The following NHSL2 variants were observed in gnomAD, a reference collection of about 807,000 sequenced individuals.
NHSL2 encodes NHS-like protein 2.
A neutral mutation model predicts 53.4 loss-of-function variants in NHSL2; 27 were observed. The observed-to-expected ratio is 0.51, with a 90% CI of 0.37 to 0.70. NHSL2 has a LOEUF of 0.70. Ranked by LOEUF, NHSL2 falls within the 30% of genes least tolerant of loss-of-function variation. NHSL2 has a pLI of 0.00. For synonymous variants in NHSL2, 408 were observed against 404.1 expected (o/e 1.01, Z -0.12); for missense variants, 892 against 980.1 (o/e 0.91, Z 1.20).
intron 1 of NHSL2, among the ~76,000 whole-genome samples, chrX:72,071,680 G>C (rs1201124959): frequency 3.6e-5 from 4 of 110,809 alleles, no homozygotes; most frequent in Non-Finnish European, 7.6e-5. Context: ...CACTCCCACT[G>C]GGCTAAACTT....
intron 1 of NHSL2, among the ~76,000 whole-genome samples, chrX:72,040,398 A>G (rs1337965584): frequency 8.9e-6 from 1 of 112,526 alleles, no homozygotes; most frequent in Non-Finnish European, 1.9e-5. Flanking sequence ...ACCTAGAGGT[A>G]CCTTGTTTAA....
At chrX:72,085,467 C>A (rs1204026209) in intron 1 of NHSL2, among the ~76,000 whole-genome samples, 1 of 111,636 alleles carries the variant, frequency 9.0e-6, no homozygotes, top group Non-Finnish European at 1.9e-5. Flanking sequence ...TTCTTAACCA[C>A]CTGTGAAATT....
chrX:71,938,040 C>T (rs112316264), intron 1 of NHSL2, among the ~76,000 whole-genome samples: 126 of 112,264 alleles, frequency 1.1e-3, no homozygotes, highest in African/African-American at 3.7e-3. Flanking sequence ...TGGTTCCACC[C>T]AACTGTAATG....
chrX:71,938,661 T>C (rs1437119869), intron 1 of NHSL2, among the ~76,000 whole-genome samples: 1 of 112,820 alleles, frequency 8.9e-6, no homozygotes, highest in Non-Finnish European at 1.9e-5. Context: ...ATAGCTCGAC[T>C]CTGGTTCTAA....
chrX:72,125,937 C>A (rs2042221237), intron 1 of NHSL2, among the ~76,000 whole-genome samples: 2 of 112,345 alleles, frequency 1.8e-5, no homozygotes, highest in South Asian at 7.4e-4. Context: ...TGTCAGGAGT[C>A]TCTCCTGGGA....
rs2042505725 is a variant in NHSL2 at position 72,150,726 on chromosome X, G to A, written c.*7152G>A. ...ACTATTCTGTGGAATTGCAAGCCAT[G>A]CATCTTTTAGAGCCACACTAGTCAA... On this transcript the variant is annotated 3_prime_UTR_variant, in exon 8 of 8. Transcript: ENST00000633930. 1 of 112,068 alleles carries A rather than the reference G, an allele frequency of 8.9e-6. No individual in the cohort carries two copies. The highest frequency in any genetic ancestry group is 9.5e-5 in the Admixed American group (1 of 10,559). 9.2% of individuals were successfully genotyped at this position (112,068 alleles called of 1,213,427 possible).
intron 1 of NHSL2, among the ~76,000 whole-genome samples, chrX:71,938,816 A>ATATT (rs2041751866): frequency 8.9e-6 from 1 of 112,654 alleles, no homozygotes; most frequent in African/African-American, 3.2e-5. Flanking sequence ...AGAGCACAGG[A>ATATT]CCTGTTCCAG....
intron 1 of NHSL2, among the ~76,000 whole-genome samples, chrX:72,008,267 C>T (rs1001440757): frequency 1.3e-4 from 15 of 112,766 alleles, no homozygotes; most frequent in South Asian, 3.6e-4. Context: ...AGTGGTTGGA[C>T]GTGTTCTGTC....
intron 1 of NHSL2, among the ~76,000 whole-genome samples, chrX:71,988,171 A>C (rs896122659): frequency 2.8e-4 from 31 of 112,086 alleles, no homozygotes; most frequent in African/African-American, 1.0e-3. Context: ...CACGGAGGCC[A>C]GAGAAAGATC....
At chrX:71,933,126 C>T (rs1253154341) in intron 1 of NHSL2, among the ~76,000 whole-genome samples, 1 of 112,156 alleles carries the variant, frequency 8.9e-6, no homozygotes, top group Non-Finnish European at 1.9e-5. Context: ...AGCATTGCTA[C>T]CAAGCCCCTC....
At chrX:72,115,445 G>A (rs1413429024) in intron 1 of NHSL2, among the ~76,000 whole-genome samples, 1 of 84,609 alleles carries the variant, frequency 1.2e-5, no homozygotes, top group Non-Finnish European at 2.3e-5. Context: ...GGGGGGGTGC[G>A]GGGGGCGTGA....
chrX:72,094,788 C>T (rs1027070176), intron 1 of NHSL2, among the ~76,000 whole-genome samples: 3 of 111,890 alleles, frequency 2.7e-5, no homozygotes, highest in Non-Finnish European at 5.6e-5. Flanking sequence ...CTGGGACCTG[C>T]CTGCCTGTCC....
chrX:72,055,283 T>A (rs1288821045), intron 1 of NHSL2, among the ~76,000 whole-genome samples: 1 of 112,303 alleles, frequency 8.9e-6, no homozygotes, highest in Non-Finnish European at 1.9e-5. Context: ...AGGCCGGGCT[T>A]GCTGCATCTT....
At chrX:72,076,242 G>A (rs2041742136) in intron 1 of NHSL2, among the ~76,000 whole-genome samples, 1 of 111,302 alleles carries the variant, frequency 9.0e-6, no homozygotes, top group Non-Finnish European at 1.9e-5. Context: ...CGAACACAGT[G>A]TATATTATAT....
At chrX:71,939,241 G>A (rs1446437508) in intron 1 of NHSL2, among the ~76,000 whole-genome samples, 2 of 111,824 alleles carry the variant, frequency 1.8e-5, no homozygotes, top group Non-Finnish European at 3.8e-5. Flanking sequence ...GGCAGGCAGG[G>A]ACTAGATCAT....
intron 1 of NHSL2, among the ~76,000 whole-genome samples, chrX:71,949,047 C>T (rs760469033): frequency 2.6e-4 from 28 of 109,265 alleles, no homozygotes; most frequent in African/African-American, 8.7e-4. Flanking sequence ...CATGAGCCAC[C>T]GTGCCCGGCC....
At chrX:71,981,004 A>C (rs1291402332) in intron 1 of NHSL2, among the ~76,000 whole-genome samples, 1 of 112,048 alleles carries the variant, frequency 8.9e-6, no homozygotes, top group African/African-American at 3.2e-5. Context: ...ACCTTATATC[A>C]TGTACAAAAG....
At chrX:71,942,373 T>C (rs866604284) in intron 1 of NHSL2, among the ~76,000 whole-genome samples, 3 of 112,068 alleles carry the variant, frequency 2.7e-5, no homozygotes, top group Non-Finnish European at 3.8e-5. Context: ...CTTGCTGATG[T>C]AGGGGAAGGG....
Position 72,144,269 on chromosome X carries a change from C to CCCCCCCCA in NHSL2, c.*696_*697insCCCCCCAC. The CCCCCCCCA allele has an allele frequency of 9.8e-6, 1 of 102,099 alleles. No homozygotes were observed. The allele number at this position is 102,099 out of a possible 1,213,427, so 8.4% of individuals were successfully genotyped here. A position where few individuals can be genotyped will look rare whatever the true frequency, so the allele number is the denominator to read the frequency against. ...CATATAGACGCCCCCCCACCCACCCCCATTAGCTAGAAAAGACCAGGACTG... is the reference window on the plus strand; with the variant it reads ...CATATAGACGCCCCCCCACCCACCCCCCCCCCCACATTAGCTAGAAAAGACCAGGACTG... On this transcript the variant is annotated 3_prime_UTR_variant, in exon 8 of 8. Coordinates refer to ENST00000633930, the MANE Select transcript of NHSL2 (RefSeq NM_001013627.3).
Sources: allele counts gnomAD v4.1 joint callset (sites outside exome capture counted in the v4.1 genomes callset), GRCh38; gene constraint gnomAD v4.1.1; transcripts MANE v1.5; gene names NCBI Gene and HGNC (gene_info 2026-07-23, HGNC 2026-07-21).